The following ULK4 variants were observed in gnomAD, a reference collection of about 807,000 sequenced individuals.
ULK4 encodes inactive serine/threonine-protein kinase ULK4.
Under a neutral mutation model 160.6 loss-of-function variants are expected in ULK4, and 133 were observed. The ratio of observed to expected loss-of-function variants is 0.83; its 90% CI spans 0.72 to 0.96. The LOEUF (loss-of-function observed/expected upper bound fraction) is 0.96, where lower values mean the gene tolerates loss of function less well. Ranked by LOEUF, ULK4 falls within the 40% of genes least tolerant of loss-of-function variation. ULK4 has a pLI of 0.00. For missense variants in ULK4, 1,580 were observed against 1,499.5 expected (o/e 1.05, Z -0.89); for synonymous variants, 534 against 539.8 (o/e 0.99, Z 0.15).
At chr3:41,821,083 A>G (rs1441018881) in intron 18 of ULK4, among the ~76,000 whole-genome samples, 1 of 152,152 alleles carries the variant, frequency 6.6e-6, no homozygotes, top group Non-Finnish European at 1.5e-5. Flanking sequence ...TTCCCTCAAC[A>G]GATCACCTAC....
intron 35 of ULK4, among the ~76,000 whole-genome samples, chr3:41,305,420 C>T (rs1329418308): frequency 6.6e-6 from 1 of 152,244 alleles, no homozygotes; most frequent in Non-Finnish European, 1.5e-5. Flanking sequence ...CGGGGTTTCG[C>T]TGTGTTGGCC....
At chr3:41,611,487 G>A (rs1044645576) in intron 31 of ULK4, among the ~76,000 whole-genome samples, 1 of 152,288 alleles carries the variant, frequency 6.6e-6, no homozygotes, top group East Asian at 1.9e-4. Context: ...ACATCGGATC[G>A]AACATCTGAG....
In ULK4 at chr3:41,383,488, C is replaced by T. The variant is rs74403265; in HGVS notation, c.3678+14591G>A. Reference sequence around the variant, plus strand: ...GACTGGTTTTGTTAAGAGCATGACACTAAAGACATCCCAAATTACCAAAGG... The same window carrying T: ...GACTGGTTTTGTTAAGAGCATGACATTAAAGACATCCCAAATTACCAAAGG... On this transcript the variant is annotated intron_variant, in intron 35 of 36. Transcript: ENST00000301831. 6.7e-3 allele frequency among the ~76,000 whole-genome samples: 1,017 copies of T among 152,244 alleles called. 4 individuals are homozygous for T. The highest frequency in any genetic ancestry group is 0.015 in the East Asian group (79 of 5,184).
At chr3:41,954,894 G>T in intron 1 of ULK4, 87 bp from the exon 2 acceptor site, 1 of 841,768 alleles carries the variant, frequency 1.2e-6, no homozygotes, top group Non-Finnish European at 1.7e-6. Context: ...GATATTATAT[G>T]TGTAAAAAAT....
At chr3:41,296,729 G>A (rs2079675797) in intron 35 of ULK4, among the ~76,000 whole-genome samples, 1 of 152,134 alleles carries the variant, frequency 6.6e-6, no homozygotes, top group South Asian at 2.1e-4. Context: ...CTCATGGCTA[G>A]GAGCTGATGA....
chr3:41,559,033 C>A (rs1454859298), intron 32 of ULK4, among the ~76,000 whole-genome samples: 1 of 141,184 alleles, frequency 7.1e-6, no homozygotes, highest in Non-Finnish European at 1.5e-5. Context: ...CCCCTACCCC[C>A]ACCCCACAAC....
At chr3:41,757,525 C>A (rs998967328) in intron 21 of ULK4, among the ~76,000 whole-genome samples, 2 of 147,318 alleles carry the variant, frequency 1.4e-5, no homozygotes, top group Non-Finnish European at 3.0e-5. Flanking sequence ...CCAGCTACTC[C>A]GGAGGCTGAG....
chr3:41,574,964 A>C (rs992524755), intron 31 of ULK4, among the ~76,000 whole-genome samples: 2 of 152,206 alleles, frequency 1.3e-5, no homozygotes, highest in African/African-American at 4.8e-5. Flanking sequence ...CATGGCTACC[A>C]CAGCCCAGTT....
At chr3:41,653,227 C>G (rs2034812009) in intron 30 of ULK4, among the ~76,000 whole-genome samples, 1 of 152,160 alleles carries the variant, frequency 6.6e-6, no homozygotes, top group African/African-American at 2.4e-5. Context: ...ACTCCAGAGC[C>G]AGGTACCAGA....
At chr3:41,674,885 C>T (rs532180258) in intron 29 of ULK4, among the ~76,000 whole-genome samples, 1 of 152,062 alleles carries the variant, frequency 6.6e-6, no homozygotes, top group Non-Finnish European at 1.5e-5. Flanking sequence ...GAGTAATTGC[C>T]CCCCAAAAGG....
At chr3:41,543,347 A>G (rs528871834) in intron 32 of ULK4, among the ~76,000 whole-genome samples, 1 of 152,100 alleles carries the variant, frequency 6.6e-6, no homozygotes, top group Non-Finnish European at 1.5e-5. Flanking sequence ...ATGTATATAT[A>G]TATTTAATTT....
chr3:41,935,834 A>G lies in ULK4; in HGVS notation c.345T>C (p.Leu115=). The change falls in exon 4 of 37, where the codon CTT becomes CTC. Residue 115 remains leucine, a synonymous_variant. Coordinates refer to ENST00000301831, the MANE Select transcript of ULK4 (RefSeq NM_017886.4). ...LISGLHHLHK[L]GILFCDISPR... ...GAGAAATGTCACAAAAGAGAATGCCAAGTTTATGAAGATGATGTAATCCAC... is the reference window on the plus strand; with the variant it reads ...GAGAAATGTCACAAAAGAGAATGCCGAGTTTATGAAGATGATGTAATCCAC... 1 of 1,612,614 alleles carries G rather than the reference A, an allele frequency of 6.2e-7. No homozygotes were observed.
intron 27 of ULK4, among the ~76,000 whole-genome samples, chr3:41,690,660 C>A (rs528044527): frequency 6.6e-6 from 1 of 151,636 alleles, no homozygotes; most frequent in South Asian, 2.1e-4. Context: ...CTCTGCTACC[C>A]CCATCCCCTT....
chr3:41,282,160 A>G (rs1311525729), intron 35 of ULK4, among the ~76,000 whole-genome samples: 3 of 152,218 alleles, frequency 2.0e-5, no homozygotes, highest in Non-Finnish European at 4.4e-5. Flanking sequence ...GAGAACACAA[A>G]CAAATGGACT....
chr3:41,336,986 G>A (rs1021054042), intron 35 of ULK4, among the ~76,000 whole-genome samples: 1 of 152,156 alleles, frequency 6.6e-6, no homozygotes, highest in Admixed American at 6.6e-5. Context: ...GAAATGCTGT[G>A]CAGGTCACAT....
chr3:41,683,050 G>C (rs755056085), intron 27 of ULK4, among the ~76,000 whole-genome samples: 1 of 152,104 alleles, frequency 6.6e-6, no homozygotes, highest in Non-Finnish European at 1.5e-5. Flanking sequence ...ATGAGGCTTG[G>C]CTCCAGCTCA....
At chr3:41,486,212 A>C (rs2084524080) in intron 32 of ULK4, among the ~76,000 whole-genome samples, 1 of 152,148 alleles carries the variant, frequency 6.6e-6, no homozygotes, top group Non-Finnish European at 1.5e-5. Context: ...AATTGCAGTA[A>C]TTGGGCTATT....
At chr3:41,799,080 A>G (rs1327862224) in intron 20 of ULK4, among the ~76,000 whole-genome samples, 1 of 152,140 alleles carries the variant, frequency 6.6e-6, no homozygotes, top group Non-Finnish European at 1.5e-5. Context: ...ATGAGTGAGG[A>G]TACGTGATGA....
intron 21 of ULK4, among the ~76,000 whole-genome samples, chr3:41,767,863 G>T (rs570902261): frequency 5.9e-4 from 90 of 152,214 alleles, no homozygotes; most frequent in African/African-American, 1.8e-3. Flanking sequence ...ACCTCAAAGG[G>T]ATGAACAAAT....
Sources: gnomAD v4.1 joint callset for allele counts (sites outside exome capture counted in the v4.1 genomes callset) on GRCh38, gnomAD v4.1.1 for gene constraint, MANE v1.5 for transcripts, NCBI Gene and HGNC (gene_info 2026-07-23, HGNC 2026-07-21) for gene names.